The following UBE2O variants were observed in gnomAD, a reference collection of about 807,000 sequenced individuals.
UBE2O encodes ubiquitin conjugating enzyme E2 O.
A neutral mutation model predicts 125.8 loss-of-function variants in UBE2O; 15 were observed. The ratio of observed to expected loss-of-function variants is 0.12; its 90% CI spans 0.08 to 0.18. The LOEUF is 0.18. Ranked by LOEUF, UBE2O falls within the 10% of genes least tolerant of loss-of-function variation. The pLI is 1.00. For missense variants in UBE2O, 1,280 were observed against 1,723.6 expected, an observed-to-expected ratio of 0.74 and a Z score of 4.56; for synonymous variants, 708 against 703.2, an observed-to-expected ratio of 1.01 and a Z score of -0.11.
At position 76,395,888 on chromosome 17, in the gene UBE2O, C is replaced by G; in HGVS notation, c.2810-27G>C. On this transcript the variant is annotated intron_variant, in intron 14 of 17. Transcript: ENST00000319380. The surrounding 1 kb of genome is among the most constrained non-coding windows in gnomAD (Gnocchi z 5.0). Reference sequence around the variant, plus strand: ...TAGAGGGGGGAAGAGAATAGTCAGTCCCTCATGGAGAGGCCCTGGAGCTCC... The same window carrying G: ...TAGAGGGGGGAAGAGAATAGTCAGTGCCTCATGGAGAGGCCCTGGAGCTCC... 6.2e-7 allele frequency: 1 copy of G among 1,613,706 alleles called. No individual in the cohort carries two copies. The highest frequency in any genetic ancestry group is 8.5e-7 in the Non-Finnish European group (1 of 1,180,032).
At position 76,402,053 on chromosome 17, in the gene UBE2O, G is replaced by A. The variant is rs752814930; in HGVS notation, c.750+11C>T. 5 of 1,613,214 alleles carry A rather than the reference G, an allele frequency of 3.1e-6. No homozygotes were observed. Among genetic ancestry groups the A allele is most frequent in the Admixed American group, 1.7e-5 (1 of 59,958 alleles). ...TCAGAGAAGGGTGCTGGCCTGGATG[G>A]AGCACACTACCGAGTCGCTGACGTG... On this transcript the variant is annotated intron_variant, in intron 5 of 17. Transcript: ENST00000319380. The surrounding 1 kb of genome is among the most constrained non-coding windows in gnomAD (Gnocchi z 5.4).
intron 1 of UBE2O, among the ~76,000 whole-genome samples, chr17:76,436,439 A>G (rs2072999391): frequency 6.6e-6 from 1 of 152,022 alleles, no homozygotes; most frequent in African/African-American, 2.4e-5. Context: ...TAAAGCTATA[A>G]ATCTAAGGCA....
At chr17:76,450,098 T>C (rs1303757507) in intron 1 of UBE2O, among the ~76,000 whole-genome samples, 1 of 140,100 alleles carries the variant, frequency 7.1e-6, no homozygotes, top group African/African-American at 2.7e-5. Context: ...AAAAAAAAAA[T>C]CTGCCACTAC....
intron 1 of UBE2O, among the ~76,000 whole-genome samples, chr17:76,439,889 G>A (rs184740975): frequency 3.9e-5 from 6 of 152,290 alleles, no homozygotes; most frequent in Admixed American, 3.9e-4. Flanking sequence ...GGTGGAACTA[G>A]GCTCTCGCTC....
Position 76,452,695 on chromosome 17 carries a change from C to T in UBE2O, c.417+30G>A. On this transcript the variant is annotated intron_variant, in intron 1 of 17. Transcript: ENST00000319380. This position sits in a 1 kb window ranked among gnomAD's most constrained non-coding sequence, Gnocchi z 4.4. ...CGGCCCGGCCGCCGACCCCCTGCCG[C>T]CCGCGCCGCCCAGCCCCCGCCCGCC... 7.4e-7 allele frequency: 1 copy of T among 1,354,032 alleles called. No individual in the cohort carries two copies. Among genetic ancestry groups the T allele is most frequent in the East Asian group, 3.1e-5 (1 of 32,240 alleles). 83.9% of individuals were successfully genotyped at this position (1,354,032 alleles called of 1,614,324 possible).
chr17:76,423,167 G>A (rs1429876982), intron 1 of UBE2O, among the ~76,000 whole-genome samples: 1 of 152,142 alleles, frequency 6.6e-6, no homozygotes. Context: ...AGGAGGAAGA[G>A]GTAGGTGAGG....
At chr17:76,418,969 A>T (rs906230910) in intron 1 of UBE2O, among the ~76,000 whole-genome samples, 1 of 152,134 alleles carries the variant, frequency 6.6e-6, no homozygotes, top group Non-Finnish European at 1.5e-5. Flanking sequence ...AATGTTCCCT[A>T]GGTGAATCTG....
In UBE2O at chr17:76,399,749, A is replaced by G. The variant is rs753943012; in HGVS notation, c.1328T>C (p.Val443Ala). Residue 443 changes from valine to alanine, a missense_variant, in exon 9 of 18, where the codon GTG becomes GCG. Physicochemically the swap from Val to Ala is moderately conservative, Grantham distance 64 (BLOSUM62 0). This residue lies in a region of UBE2O where 141 missense variants were observed against 141.3 expected (regional missense o/e 1.00). Transcript: ENST00000319380. This position sits in a 1 kb window ranked among gnomAD's most constrained non-coding sequence, Gnocchi z 6.9. ...CTCTGCACCCTCGTCCTGCATCTCC[A>G]CTGGACTGGCAGAGCCATCGGGCGT... ...EETPDGSASP[V>A]EMQDEGAEEP... 7.4e-6 allele frequency: 12 copies of G among 1,613,810 alleles called. 1 individual carries two copies. In the South Asian group the frequency reaches 1.2e-4, roughly 16 times the overall value.
intron 15 of UBE2O, among the ~76,000 whole-genome samples, chr17:76,392,942 G>A (rs1372860631): frequency 2.0e-5 from 3 of 148,614 alleles, no homozygotes; most frequent in East Asian, 2.0e-4. Flanking sequence ...ACAGTGCGAC[G>A]CTATCTCAAA....
chr17:76,448,592 T>G (rs141025514), intron 1 of UBE2O, among the ~76,000 whole-genome samples: 10 of 152,338 alleles, frequency 6.6e-5, no homozygotes, highest in Admixed American at 6.5e-4. Flanking sequence ...GGTGAAACCC[T>G]GAATGTCATG....
At position 76,405,667 on chromosome 17, in the gene UBE2O, A is replaced by G. The variant is rs1376803871; in HGVS notation, c.418-95T>C. On this transcript the variant is annotated intron_variant, in intron 1 of 17. Transcript: ENST00000319380. The surrounding 1 kb of genome is among the most constrained non-coding windows in gnomAD (Gnocchi z 6.1). Reference sequence around the variant, plus strand: ...TTCTGAAGGAAAGCGTCACATCCACACTGCTAAGTGCACAAATCCTAAGCG... The same window carrying G: ...TTCTGAAGGAAAGCGTCACATCCACGCTGCTAAGTGCACAAATCCTAAGCG... 2 of 1,078,474 alleles carry G rather than the reference A, an allele frequency of 1.9e-6. No individual in the cohort carries two copies. The highest frequency in any genetic ancestry group is 3.1e-5 in the African/African-American group (2 of 63,770). 66.8% of individuals were successfully genotyped at this position (1,078,474 alleles called of 1,614,324 possible).
Position 76,400,481 on chromosome 17 carries a change from T to A in UBE2O, c.964A>T (p.Ser322Cys). The A allele has an allele frequency of 6.2e-7, 1 of 1,613,308 alleles. No homozygotes were observed. The highest frequency in any genetic ancestry group is 8.5e-7 in the Non-Finnish European group (1 of 1,179,736). The change falls in exon 7 of 18, where the codon AGC becomes TGC. Residue 322 changes from serine to cysteine, a missense_variant. Physicochemically the swap from Ser to Cys is moderately radical, Grantham distance 112 (BLOSUM62 -1). Coordinates refer to ENST00000319380, the MANE Select transcript of UBE2O (RefSeq NM_022066.4). This position sits in a 1 kb window ranked among gnomAD's most constrained non-coding sequence, Gnocchi z 4.3. ...TGGGTGATGACAGAGGGTGGGGGGC[T>A]GACGCTGTCCGTGCCCCCTGGACAG... The part of the protein sequence containing the change: ...SFCPGGTDSV[S>C]PPPSVITQEN...
rs770012008 is a variant in UBE2O at position 76,405,166 on chromosome 17, AG to A, written c.588+39del. The A allele has an allele frequency of 1.4e-6, 2 of 1,430,944 alleles. No homozygotes were observed. Among genetic ancestry groups the A allele is most frequent in the African/African-American group, 2.8e-5 (2 of 70,628 alleles). 88.6% of individuals were successfully genotyped at this position (1,430,944 alleles called of 1,614,324 possible). On this transcript the variant is annotated intron_variant, in intron 3 of 17. Transcript: ENST00000319380. This position sits in a 1 kb window ranked among gnomAD's most constrained non-coding sequence, Gnocchi z 6.1. ...GAGGTCGTGCCGCCGAGAGAACCAG[AG>A]GGCCCAGAAAGGATGATGAGAAGAC...
Position 76,395,125 on chromosome 17 carries a change from C to G in UBE2O, c.2946+600G>C, listed in dbSNP as rs1216980720. 6.6e-6 allele frequency among the ~76,000 whole-genome samples: 1 copy of G among 152,070 alleles called. No individual in the cohort carries two copies. Among genetic ancestry groups the G allele is most frequent in the Non-Finnish European group, 1.5e-5 (1 of 68,032 alleles). ...TTCTGACCTCAGGTGATCCACCTGC[C>G]TCGGCTTCCCGAAGTGCTGGGATTA... On this transcript the variant is annotated intron_variant, in intron 15 of 17. Transcript: ENST00000319380. This position sits in a 1 kb window ranked among gnomAD's most constrained non-coding sequence, Gnocchi z 5.0.
Position 76,396,910 on chromosome 17 carries a change from C to G in UBE2O, c.2116-89G>C. ...GAGCTCTGGGGATCCCTGATCCGCA[C>G]AGCTGATGGCGACTGGGCTCATGAG... On this transcript the variant is annotated intron_variant, in intron 13 of 17. Transcript: ENST00000319380. The surrounding 1 kb of genome is among the most constrained non-coding windows in gnomAD (Gnocchi z 6.7). The G allele has an allele frequency of 1.7e-6, 2 of 1,171,860 alleles. No homozygotes were observed. Among genetic ancestry groups the G allele is most frequent in the Non-Finnish European group, 2.4e-6 (2 of 837,578 alleles). 72.6% of individuals were successfully genotyped at this position (1,171,860 alleles called of 1,614,324 possible).
In UBE2O at chr17:76,398,509, T is replaced by C; in HGVS notation, c.1859A>G (p.Lys620Arg). The C allele has an allele frequency of 6.2e-7, 1 of 1,614,048 alleles. No homozygotes were observed. The highest frequency in any genetic ancestry group is 8.5e-7 in the Non-Finnish European group (1 of 1,180,006). ...GDHIGRTCMVKWFKLRPSGDD... is the reference protein window; with the variant it reads ...GDHIGRTCMVRWFKLRPSGDD... ...CCCACTCGGCCTCAGCTTGAACCACTTCACCATGCAGGTACGGCCGATGTG... is the reference window on the plus strand; with the variant it reads ...CCCACTCGGCCTCAGCTTGAACCACCTCACCATGCAGGTACGGCCGATGTG... The change falls in exon 11 of 18, where the codon AAG becomes AGG. Residue 620 changes from lysine to arginine, a missense_variant. This residue lies in a region of UBE2O where 145 missense variants were observed against 219.6 expected (regional missense o/e 0.66). Transcript: ENST00000319380. This position sits in a 1 kb window ranked among gnomAD's most constrained non-coding sequence, Gnocchi z 5.4.
chr17:76,451,026 A>G (rs1409956740), intron 1 of UBE2O, among the ~76,000 whole-genome samples: 2 of 152,240 alleles, frequency 1.3e-5, no homozygotes, highest in African/African-American at 4.8e-5. Context: ...GTTAACCACC[A>G]AAGTCAAGAC....
chr17:76,405,188 A>G lies in UBE2O; in HGVS notation c.588+18T>C. 6.3e-7 allele frequency: 1 copy of G among 1,574,924 alleles called. No homozygotes were observed. On this transcript the variant is annotated intron_variant, in intron 3 of 17. Transcript: ENST00000319380. The surrounding 1 kb of genome is among the most constrained non-coding windows in gnomAD (Gnocchi z 6.1). ...CAGAGGGCCCAGAAAGGATGATGAG[A>G]AGACAGGGCCGGCTCACCCAGATGT...
At chr17:76,425,585 T>C (rs1029633291) in intron 1 of UBE2O, among the ~76,000 whole-genome samples, 1 of 152,166 alleles carries the variant, frequency 6.6e-6, no homozygotes, top group African/African-American at 2.4e-5. Flanking sequence ...ACTCTTACCC[T>C]CCCCTCTGAA....
Sources: gnomAD v4.1 joint callset for allele counts (sites outside exome capture counted in the v4.1 genomes callset) on GRCh38, gnomAD v4.1.1 for gene constraint, gnomAD v4.1.1 regional missense constraint, Gnocchi (gnomAD v3.1) non-coding constraint, MANE v1.5 for transcripts, NCBI Gene and HGNC (gene_info 2026-07-23, HGNC 2026-07-21) for gene names.